Variants in ARID5B observed in about 807,000 individuals in gnomAD.
The protein encoded by ARID5B is AT-rich interactive domain-containing protein 5B.
Under a neutral mutation model 97.2 loss-of-function variants are expected in ARID5B, and 13 were observed. The observed-to-expected ratio is 0.13, with a 90% confidence interval of 0.09 to 0.21. The LOEUF (loss-of-function observed/expected upper bound fraction) is 0.21. Among genes scored for constraint, ARID5B ranks in the 10% least tolerant of loss-of-function variants. The pLI is 1.00. For missense variants in ARID5B, 1,210 were observed against 1,465.3 expected (o/e 0.83, Z 2.84); for synonymous variants, 556 against 570.3 (o/e 0.97, Z 0.36).
intron 2 of ARID5B, among the ~76,000 whole-genome samples, chr10:61,906,554 C>T (rs1178881844): frequency 6.6e-6 from 1 of 152,220 alleles, no homozygotes; most frequent in Non-Finnish European, 1.5e-5. Context: ...AGAAGGTTTG[C>T]TGGTCACCTC....
intron 4 of ARID5B, 62 bp from the exon 5 acceptor site, chr10:62,050,826 T>C: frequency 7.2e-7 from 1 of 1,383,570 alleles, no homozygotes; most frequent in East Asian, 2.3e-5. Flanking sequence ...AGATTCTGGG[T>C]CTTTAATAAA....
At chr10:61,904,057 C>A (rs1176701937) in intron 2 of ARID5B, among the ~76,000 whole-genome samples, 4 of 145,372 alleles carry the variant, frequency 2.8e-5, no homozygotes, top group African/African-American at 1.0e-4. Context: ...GCCCCCTCCC[C>A]CGACCCAACT....
intron 4 of ARID5B, among the ~76,000 whole-genome samples, chr10:62,033,558 T>C (rs1379153994): frequency 6.6e-6 from 1 of 152,244 alleles, no homozygotes; most frequent in Non-Finnish European, 1.5e-5. Flanking sequence ...TCCTGGGCTC[T>C]ACAAGGTGCT....
intron 7 of ARID5B, among the ~76,000 whole-genome samples, chr10:62,069,489 A>G (rs768979403): frequency 2.1e-4 from 32 of 152,234 alleles, no homozygotes; most frequent in Non-Finnish European, 4.4e-4. Flanking sequence ...ATACACATCC[A>G]AAAGTAGAAT....
At chr10:62,040,398 A>G (rs1388684756) in intron 4 of ARID5B, among the ~76,000 whole-genome samples, 2 of 152,082 alleles carry the variant, frequency 1.3e-5, no homozygotes. Context: ...TTTTTACATG[A>G]CTACCCTCCA....
At chr10:62,010,389 T>C (rs1036655717) in intron 4 of ARID5B, among the ~76,000 whole-genome samples, 1 of 152,202 alleles carries the variant, frequency 6.6e-6, no homozygotes. Flanking sequence ...ATGGCTTCAG[T>C]TGCATTTCTC....
chr10:62,005,339 C>T (rs1177530510), intron 4 of ARID5B, among the ~76,000 whole-genome samples: 1 of 152,170 alleles, frequency 6.6e-6, no homozygotes, highest in African/African-American at 2.4e-5. Flanking sequence ...GTAATAACAG[C>T]CAACTTGCTG....
At chr10:62,088,219 G>A (rs1403900703) in intron 9 of ARID5B, among the ~76,000 whole-genome samples, 1 of 152,172 alleles carries the variant, frequency 6.6e-6, no homozygotes, top group East Asian at 1.9e-4. Context: ...ATGGCCAAAA[G>A]CAAGGAAATT....
At chr10:61,940,466 T>A (rs1844380604) in intron 3 of ARID5B, 58 bp downstream of exon 3, 1 of 1,436,820 alleles carries the variant, frequency 7.0e-7, no homozygotes, top group South Asian at 1.3e-5. Flanking sequence ...AACTTTTCGG[T>A]TGAAGATTTT....
chr10:62,019,598 A>G (rs1388484680), intron 4 of ARID5B, among the ~76,000 whole-genome samples: 1 of 152,214 alleles, frequency 6.6e-6, no homozygotes, highest in Non-Finnish European at 1.5e-5. Flanking sequence ...CTGGTTTAAG[A>G]GTATTATTAT....
intron 3 of ARID5B, among the ~76,000 whole-genome samples, chr10:61,979,733 G>T (rs1838751238): frequency 6.6e-6 from 1 of 152,124 alleles, no homozygotes; most frequent in African/African-American, 2.4e-5. Flanking sequence ...TACTTTTAAG[G>T]ACCCACAAAA....
intron 3 of ARID5B, among the ~76,000 whole-genome samples, chr10:61,995,879 G>T (rs1235551083): frequency 6.6e-6 from 1 of 152,114 alleles, no homozygotes; most frequent in East Asian, 1.9e-4. Flanking sequence ...ACTCCTCTGG[G>T]GATGTCTAAT....
intron 3 of ARID5B, among the ~76,000 whole-genome samples, chr10:61,988,087 C>T (rs1238595584): frequency 3.3e-5 from 5 of 152,192 alleles, no homozygotes. Context: ...TAAAACAGAG[C>T]ACATCTGTAT....
At chr10:61,976,987 C>G (rs569470395) in intron 3 of ARID5B, among the ~76,000 whole-genome samples, 1 of 151,968 alleles carries the variant, frequency 6.6e-6, no homozygotes, top group East Asian at 1.9e-4. Flanking sequence ...TTAGGTGTAT[C>G]TCCTAATGCT....
At chr10:62,002,262 A>G (rs568529333) in intron 4 of ARID5B, among the ~76,000 whole-genome samples, 2 of 152,348 alleles carry the variant, frequency 1.3e-5, no homozygotes, top group Non-Finnish European at 2.9e-5. Flanking sequence ...GTTAAGAGTT[A>G]CTAAATTAGT....
intron 4 of ARID5B, among the ~76,000 whole-genome samples, chr10:62,030,060 C>T (rs950713323): frequency 6.6e-6 from 1 of 152,096 alleles, no homozygotes; most frequent in Non-Finnish European, 1.5e-5. Context: ...ACAAGCTGTC[C>T]TGCCCTGAGG....
chr10:61,991,812 C>T (rs930239158), intron 3 of ARID5B, among the ~76,000 whole-genome samples: 23 of 152,156 alleles, frequency 1.5e-4, no homozygotes, highest in African/African-American at 5.5e-4. Context: ...GGCGGATCAC[C>T]TGAAGTCGGG....
chr10:61,940,340 A>G lies in ARID5B; in HGVS notation c.434A>G (p.Lys145Arg), dbSNP rs959498702. The G allele has an allele frequency of 7.4e-6, 12 of 1,614,198 alleles. No homozygotes were observed. The highest frequency in any genetic ancestry group is 1.6e-4 in the Middle Eastern group (1 of 6,062). ...GRNGQKEALL[K>R]YRQSTLNSGL... ...AATGGACAGAAGGAAGCTCTGCTGA[A>G]GTACAGGCAGTCAACCCTAAACAGT... is the stretch of plus-strand genomic sequence containing the variant. Residue 145 changes from lysine (K) to arginine (R), a missense_variant, in exon 3 of 10, where the codon AAG (lysine) becomes AGG (arginine). Lys to Arg is a conservative substitution (Grantham distance 26, BLOSUM62 2). Transcript: ENST00000279873.
chr10:62,095,119 T>A lies in ARID5B; in HGVS notation c.*2089T>A. The A allele has an allele frequency of 8.8e-6, 2 of 227,254 alleles. No individual in the cohort carries two copies. Among genetic ancestry groups the A allele is most frequent in the Non-Finnish European group, 1.8e-5 (2 of 114,266 alleles). The allele number at this position is 227,254 out of a possible 1,614,324, so 14.1% of individuals were successfully genotyped here. On this transcript the variant is annotated 3_prime_UTR_variant, in exon 10 of 10. Transcript: ENST00000279873. ...TGTGGAATAATATATATATATATAT[T>A]TAATAGAACCATAGATAGACTAGTA...
Sources: gnomAD v4.1 joint callset for allele counts (sites outside exome capture counted in the v4.1 genomes callset) on GRCh38, gnomAD v4.1.1 for gene constraint, MANE v1.5 for transcripts, NCBI Gene and HGNC (gene_info 2026-07-23, HGNC 2026-07-21) for gene names.